Variants in GPC5 observed in about 807,000 individuals in gnomAD.
The protein encoded by GPC5 is glypican 5.
A neutral mutation model predicts 53.9 loss-of-function variants in GPC5; 47 were observed. That is an observed-to-expected ratio of 0.87 (90% CI 0.69 to 1.11). The LOEUF (loss-of-function observed/expected upper bound fraction) is 1.11, where lower values mean the gene tolerates loss of function less well. Ranked by LOEUF, GPC5 falls within the 50% of genes most tolerant of loss-of-function variation. The probability of loss-of-function intolerance (pLI) is 0.00; values close to 1 mark genes in which losing one functional copy is unlikely to be tolerated. For missense variants in GPC5, 748 were observed against 713.1 expected, an observed-to-expected ratio of 1.05 and a Z score of -0.56; for synonymous variants, 286 against 263.3, an observed-to-expected ratio of 1.09 and a Z score of -0.84.
At chr13:92,770,971 C>T (rs984468474) in intron 7 of GPC5, among the ~76,000 whole-genome samples, 3 of 152,056 alleles carry the variant, frequency 2.0e-5, no homozygotes, top group Non-Finnish European at 4.4e-5. Flanking sequence ...TTTCCCCCTA[C>T]CTCTCCACTG....
intron 7 of GPC5, among the ~76,000 whole-genome samples, chr13:92,294,418 T>C (rs1347312408): frequency 6.6e-6 from 1 of 152,188 alleles, no homozygotes; most frequent in Non-Finnish European, 1.5e-5. Flanking sequence ...TCTTCCTGAT[T>C]TAAGCTAGGA....
intron 6 of GPC5, among the ~76,000 whole-genome samples, chr13:92,110,259 G>A (rs1434863048): frequency 6.6e-6 from 1 of 152,130 alleles, no homozygotes; most frequent in Admixed American, 6.6e-5. Context: ...CCAGGTAGTG[G>A]AAGGGAATTT....
intron 6 of GPC5, among the ~76,000 whole-genome samples, chr13:92,138,791 T>C (rs957772337): frequency 2.0e-5 from 3 of 152,116 alleles, no homozygotes; most frequent in African/African-American, 7.2e-5. Flanking sequence ...GGGAGTTATT[T>C]GATGCTGTCT....
intron 7 of GPC5, among the ~76,000 whole-genome samples, chr13:92,173,456 C>G (rs1022477405): frequency 7.2e-5 from 11 of 152,170 alleles, no homozygotes; most frequent in African/African-American, 2.7e-4. Context: ...TTTCATGTAC[C>G]TCATGTGCCA....
chr13:91,647,300 G>A (rs73609951), intron 2 of GPC5, among the ~76,000 whole-genome samples: 1 of 152,142 alleles, frequency 6.6e-6, no homozygotes, highest in African/African-American at 2.4e-5. Flanking sequence ...CACTGTCATC[G>A]ACAGCAGGTT....
intron 1 of GPC5, among the ~76,000 whole-genome samples, chr13:91,417,429 G>A (rs1344042523): frequency 2.0e-5 from 3 of 152,138 alleles, no homozygotes; most frequent in African/African-American, 7.2e-5. Context: ...CCCACAAAAC[G>A]TAGATTCTCT....
intron 7 of GPC5, among the ~76,000 whole-genome samples, chr13:92,462,456 T>C (rs1878526890): frequency 6.6e-6 from 1 of 152,164 alleles, no homozygotes; most frequent in Admixed American, 6.6e-5. Context: ...ACTGGAATGA[T>C]GGACTGGAGA....
chr13:92,284,584 A>T (rs1169576299), intron 7 of GPC5, among the ~76,000 whole-genome samples: 2 of 152,204 alleles, frequency 1.3e-5, no homozygotes, highest in Non-Finnish European at 2.9e-5. Flanking sequence ...AGGCTGGTTC[A>T]ACATACACAA....
rs1192305621 is a variant in GPC5 at position 92,751,341 on chromosome 13, C to T, written c.1562-114941C>T. Reference sequence around the variant, plus strand: ...AAAAAAAAAAAAAAAAAAAACCTTCCAACCTCATAAAATCTTATTTTGTTC... The same window carrying T: ...AAAAAAAAAAAAAAAAAAAACCTTCTAACCTCATAAAATCTTATTTTGTTC... On this transcript the variant is annotated intron_variant, in intron 7 of 7. Coordinates refer to ENST00000377067, the MANE Select transcript of GPC5 (RefSeq NM_004466.6). Among the ~76,000 whole-genome samples the T allele has an allele frequency of 3.9e-5, 4 of 101,718 alleles. No individual in the cohort carries two copies. The East Asian group carries it at 1.5e-3, about 38-fold the overall frequency. 66.7% of individuals were successfully genotyped at this position (101,718 alleles called of 152,430 possible).
At chr13:92,333,136 G>A (rs2043299455) in intron 7 of GPC5, among the ~76,000 whole-genome samples, 1 of 152,098 alleles carries the variant, frequency 6.6e-6, no homozygotes. Context: ...GCACAAAGTG[G>A]ACAAGTCTCA....
At chr13:92,622,835 C>T (rs9589605) in intron 7 of GPC5, among the ~76,000 whole-genome samples, 11,053 of 152,110 alleles carry the variant, frequency 0.073, 1,263 homozygotes, top group African/African-American at 0.24. Flanking sequence ...TGAAAGTAGA[C>T]GATGGGCCAA....
chr13:91,499,462 C>T (rs1015955847), intron 2 of GPC5, among the ~76,000 whole-genome samples: 22 of 152,296 alleles, frequency 1.4e-4, no homozygotes, highest in South Asian at 1.0e-3. Flanking sequence ...TCTCCAAATA[C>T]ATCTTAGTCA....
chr13:92,465,142 A>G (rs1566602103), intron 7 of GPC5, among the ~76,000 whole-genome samples: 1 of 152,068 alleles, frequency 6.6e-6, no homozygotes, highest in South Asian at 2.1e-4. Flanking sequence ...ACAATTTACT[A>G]AAGTGATCAA....
intron 7 of GPC5, among the ~76,000 whole-genome samples, chr13:92,843,876 A>G (rs1432070171): frequency 6.6e-6 from 1 of 152,070 alleles, no homozygotes; most frequent in Non-Finnish European, 1.5e-5. Context: ...TGCAACTGTT[A>G]TATTTGTACT....
chr13:91,525,596 G>A (rs1886048828), intron 2 of GPC5, among the ~76,000 whole-genome samples: 1 of 152,168 alleles, frequency 6.6e-6, no homozygotes, highest in South Asian at 2.1e-4. Context: ...TTTCCACAGA[G>A]GTATGGGATA....
intron 3 of GPC5, chr13:91,725,040 G>A (rs138126863): frequency 1.3e-5 from 2 of 152,352 alleles, no homozygotes; most frequent in African/African-American, 4.8e-5. Flanking sequence ...TTGTGCTTTT[G>A]CACGTAGTGC....
At chr13:91,609,334 G>A (rs117544319) in intron 2 of GPC5, among the ~76,000 whole-genome samples, 1,674 of 152,116 alleles carry the variant, frequency 0.011, 25 homozygotes, top group Middle Eastern at 0.041. Flanking sequence ...AACTGACACA[G>A]GCAACAAATG....
At chr13:91,855,360 T>G (rs1431353102) in intron 5 of GPC5, among the ~76,000 whole-genome samples, 2 of 151,658 alleles carry the variant, frequency 1.3e-5, no homozygotes. Context: ...ATCTGTAAAA[T>G]GTATACTTTC....
At chr13:91,979,149 G>T (rs1346510747) in intron 6 of GPC5, among the ~76,000 whole-genome samples, 3 of 152,022 alleles carry the variant, frequency 2.0e-5, no homozygotes, top group African/African-American at 7.2e-5. Context: ...ATACCAAACA[G>T]GTAGTTGGAT....
Sources: gnomAD v4.1 joint callset for allele counts (sites outside exome capture counted in the v4.1 genomes callset) on GRCh38, gnomAD v4.1.1 for gene constraint, MANE v1.5 for transcripts, NCBI Gene and HGNC (gene_info 2026-07-23, HGNC 2026-07-21) for gene names.